ADAM12: variants seen among roughly 807,000 people sequenced by gnomAD.
ADAM12 encodes disintegrin and metalloproteinase domain-containing protein 12.
ADAM12 carries 70 observed loss-of-function variants against 106.4 expected under a neutral mutation model. The observed-to-expected ratio is 0.66, with a 90% CI of 0.54 to 0.80. The LOEUF (loss-of-function observed/expected upper bound fraction) is 0.80. ADAM12 is among the 30% of genes least tolerant of loss of function. The probability of loss-of-function intolerance (pLI) is 0.00; values close to 1 mark genes in which losing one functional copy is unlikely to be tolerated. For synonymous variants in ADAM12, 420 were observed against 433.5 expected (o/e 0.97, Z 0.39); for missense variants, 1,010 against 1,171.9 (o/e 0.86, Z 2.02).
intron 14 of ADAM12, among the ~76,000 whole-genome samples, chr10:126,062,099 A>G (rs1461072144): frequency 1.3e-5 from 2 of 152,098 alleles, no homozygotes; most frequent in African/African-American, 2.4e-5. Context: ...AGAACTGAGG[A>G]GGGGCGGGCA....
At chr10:126,170,183 T>C (rs1318862473) in intron 3 of ADAM12, among the ~76,000 whole-genome samples, 1 of 152,136 alleles carries the variant, frequency 6.6e-6, no homozygotes, top group Non-Finnish European at 1.5e-5. Context: ...TGACCTACAT[T>C]GAACCAAACC....
rs1301270897 is a variant in ADAM12 at position 126,093,997 on chromosome 10, T to G, written c.1133A>C (p.Asn378Thr). 1 of 1,614,022 alleles carries G rather than the reference T, an allele frequency of 6.2e-7. No individual in the cohort carries two copies. The highest frequency in any genetic ancestry group is 1.3e-5 in the African/African-American group (1 of 74,908). Residue 378 changes from asparagine (N) to threonine (T), a missense_variant, in exon 11 of 23, where the codon AAC becomes ACC. Coordinates refer to ENST00000448723, the MANE Select transcript of ADAM12 (RefSeq NM_001288973.2). The stretch of plus-strand genomic sequence containing the variant: ...CAATGGTACTTGCCCGGTGGAAGCG[T>G]TCATGATGCAGCCTCCTTTCTCAAC... The part of the protein sequence containing the change: ...MAVEKGGCIM[N>T]ASTGYPFPMV...
At chr10:126,075,160 G>A (rs139068829) in intron 11 of ADAM12, among the ~76,000 whole-genome samples, 12 of 152,286 alleles carry the variant, frequency 7.9e-5, no homozygotes, top group Non-Finnish European at 1.3e-4. Flanking sequence ...TATTGTTCAA[G>A]AACTTACTTT....
At chr10:126,214,400 A>C (rs1208977619) in intron 3 of ADAM12, among the ~76,000 whole-genome samples, 1 of 152,216 alleles carries the variant, frequency 6.6e-6, no homozygotes, top group Non-Finnish European at 1.5e-5. Context: ...TTTATAAAGC[A>C]CTTAGAATGG....
At chr10:126,369,596 G>C (rs1201358185) in intron 1 of ADAM12, among the ~76,000 whole-genome samples, 1 of 152,144 alleles carries the variant, frequency 6.6e-6, no homozygotes, top group East Asian at 1.9e-4. Flanking sequence ...GCAGTAAAAG[G>C]ACATGAAACA....
chr10:126,059,328 C>T (rs74429826), intron 14 of ADAM12, among the ~76,000 whole-genome samples: 4,702 of 152,324 alleles, frequency 0.031, 113 homozygotes, highest in South Asian at 0.088. Context: ...ACCCCTGCCA[C>T]TAACATCCAC....
chr10:126,080,895 G>C (rs886279804), intron 11 of ADAM12, among the ~76,000 whole-genome samples: 1 of 152,108 alleles, frequency 6.6e-6, no homozygotes, highest in African/African-American at 2.4e-5. Flanking sequence ...CAGTCAGAAG[G>C]TTCTTTTCTT....
At chr10:126,347,711 T>G (rs781587189) in intron 1 of ADAM12, among the ~76,000 whole-genome samples, 6 of 152,228 alleles carry the variant, frequency 3.9e-5, no homozygotes, top group South Asian at 4.1e-4. Flanking sequence ...CATCAGTTAT[T>G]TTTATTTCTT....
chr10:126,259,263 A>G (rs1451788505), intron 3 of ADAM12, among the ~76,000 whole-genome samples: 2 of 152,182 alleles, frequency 1.3e-5, no homozygotes, highest in African/African-American at 4.8e-5. Context: ...CAATTTACCT[A>G]GTGAAATAAA....
intron 1 of ADAM12, among the ~76,000 whole-genome samples, chr10:126,336,528 T>C (rs559198539): frequency 1.3e-5 from 2 of 152,234 alleles, no homozygotes; most frequent in African/African-American, 4.8e-5. Flanking sequence ...AGGCAGAGGA[T>C]GTGAAAATAA....
At chr10:126,232,191 GT>G (rs1200187267) in intron 3 of ADAM12, among the ~76,000 whole-genome samples, 1 of 152,084 alleles carries the variant, frequency 6.6e-6, no homozygotes, top group East Asian at 1.9e-4. Flanking sequence ...GATGATCTGG[GT>G]GGGCCCAACG....
intron 3 of ADAM12, among the ~76,000 whole-genome samples, chr10:126,244,898 C>A (rs185544821): frequency 2.6e-5 from 4 of 152,106 alleles, no homozygotes; most frequent in Non-Finnish European, 5.9e-5. Context: ...TAGACATTCA[C>A]CAAGCAAAGG....
intron 3 of ADAM12, among the ~76,000 whole-genome samples, chr10:126,196,913 C>T (rs1034558779): frequency 6.6e-6 from 1 of 152,072 alleles, no homozygotes; most frequent in Non-Finnish European, 1.5e-5. Context: ...CAGGGAATGT[C>T]GTTTGGCTTC....
rs569741158 is a variant in ADAM12 at position 126,343,680 on chromosome 10, T to G, written c.89-13171A>C. Among the ~76,000 whole-genome samples, 33 of 152,310 alleles carry G rather than the reference T, an allele frequency of 2.2e-4. 1 individual carries two copies. Among genetic ancestry groups the G allele is most frequent in the Middle Eastern group, 3.4e-3 (1 of 294 alleles). On this transcript the variant is annotated intron_variant, in intron 1 of 22. Transcript: ENST00000448723. ...AGTATTCCTATTTCTCCAGATCCTC[T>G]CCAGCACCTGTTGTTTCCCGACTTT...
intron 3 of ADAM12, among the ~76,000 whole-genome samples, chr10:126,197,412 G>A (rs1361181701): frequency 2.6e-5 from 4 of 152,216 alleles, no homozygotes; most frequent in South Asian, 2.1e-4. Context: ...TGAGGGTTTT[G>A]GTGATGCAGC....
intron 3 of ADAM12, among the ~76,000 whole-genome samples, chr10:126,260,449 C>A (rs1374548192): frequency 6.6e-6 from 1 of 152,128 alleles, no homozygotes; most frequent in East Asian, 1.9e-4. Context: ...ATTGGAGGAA[C>A]CAATGGGCTG....
At chr10:126,071,348 G>T in intron 12 of ADAM12, 129 bp downstream of exon 12, 1 of 1,112,776 alleles carries the variant, frequency 9.0e-7, no homozygotes, top group Non-Finnish European at 1.3e-6. Flanking sequence ...TTCAGGATGG[G>T]CAGATAGGAC....
intron 3 of ADAM12, among the ~76,000 whole-genome samples, chr10:126,216,067 C>T (rs10901560): frequency 0.018 from 2,739 of 152,166 alleles, 138 homozygotes; most frequent in East Asian, 0.13. Context: ...GTTTGCTTTG[C>T]CATTTGGTGT....
At chr10:126,029,223 G>C (rs996923198) in intron 21 of ADAM12, among the ~76,000 whole-genome samples, 39 of 152,136 alleles carry the variant, frequency 2.6e-4, no homozygotes, top group Admixed American at 3.9e-4. Flanking sequence ...GATGCCATTT[G>C]ACCCAGGAAT....
Sources: gnomAD v4.1 joint callset for allele counts (sites outside exome capture counted in the v4.1 genomes callset) on GRCh38, gnomAD v4.1.1 for gene constraint, MANE v1.5 for transcripts, NCBI Gene and HGNC (gene_info 2026-07-23, HGNC 2026-07-21) for gene names.